Variants in BMPR2 observed in about 807,000 individuals in gnomAD.
The protein encoded by BMPR2 is bone morphogenetic protein receptor type-2.
Under a neutral mutation model 100.8 loss-of-function variants are expected in BMPR2, and 29 were observed. The observed-to-expected ratio is 0.29, with a 90% CI of 0.21 to 0.39. BMPR2 has a LOEUF of 0.39. Among genes scored for constraint, BMPR2 ranks in the 10% least tolerant of loss-of-function variants. The pLI is 1.00. For missense variants in BMPR2, 1,011 were observed against 1,274.5 expected, an observed-to-expected ratio of 0.79 and a Z score of 3.15; for synonymous variants, 382 against 442.3, an observed-to-expected ratio of 0.86 and a Z score of 1.71.
At chr2:202,418,233 T>C (rs1392690505) in intron 1 of BMPR2, among the ~76,000 whole-genome samples, 2 of 152,180 alleles carry the variant, frequency 1.3e-5, no homozygotes, top group Non-Finnish European at 2.9e-5. Flanking sequence ...CCCTTCTACA[T>C]GAGGAGTGAG....
chr2:202,538,578 G>C (rs1029774193), intron 9 of BMPR2, among the ~76,000 whole-genome samples: 1 of 152,140 alleles, frequency 6.6e-6, no homozygotes, highest in South Asian at 2.1e-4. Context: ...GATCACCTGA[G>C]GTCAGGAGTT....
At chr2:202,426,484 G>A (rs1435826680) in intron 1 of BMPR2, among the ~76,000 whole-genome samples, 3 of 147,758 alleles carry the variant, frequency 2.0e-5, no homozygotes, top group African/African-American at 7.5e-5. Context: ...AGGAGGAATC[G>A]CTTGAACCTG....
chr2:202,386,647 C>T (rs1690432973), intron 1 of BMPR2, among the ~76,000 whole-genome samples: 1 of 152,008 alleles, frequency 6.6e-6, no homozygotes, highest in African/African-American at 2.4e-5. Context: ...ATTACAGTCT[C>T]CTTTCAACAT....
At chr2:202,442,312 T>G (rs1691764463) in intron 1 of BMPR2, among the ~76,000 whole-genome samples, 1 of 150,654 alleles carries the variant, frequency 6.6e-6, no homozygotes. Context: ...GTTTACTTTC[T>G]GTTTCAGTAT....
rs13400642 is a variant in BMPR2 at position 202,485,787 on chromosome 2, C to T, written c.418+18098C>T. Among the ~76,000 whole-genome samples the T allele has an allele frequency of 6.5e-3, 989 of 151,912 alleles. 15 individuals are homozygous for T. The highest frequency in any genetic ancestry group is 0.022 in the African/African-American group (924 of 41,440). On this transcript the variant is annotated intron_variant, in intron 3 of 12. Coordinates refer to ENST00000374580, the MANE Select transcript of BMPR2 (RefSeq NM_001204.7). ...CTCAAACTCCTGACCTCAAGTGATT[C>T]GCCCGCCTGGGCCTCCCAAAGTGCT...
chr2:202,543,535 T>G (rs554688051), intron 10 of BMPR2, among the ~76,000 whole-genome samples: 2 of 151,788 alleles, frequency 1.3e-5, no homozygotes, highest in Non-Finnish European at 2.9e-5. Flanking sequence ...ATGATTCTAT[T>G]GGATGATATA....
Position 202,435,581 on chromosome 2 carries a change from G to A in BMPR2, c.77-29228G>A, listed in dbSNP as rs192729399. Among the ~76,000 whole-genome samples, 342 of 149,718 alleles carry A rather than the reference G, an allele frequency of 2.3e-3. 23 individuals carry two copies. The highest frequency in any genetic ancestry group is 8.2e-3 in the African/African-American group (322 of 39,262). On this transcript the variant is annotated intron_variant, in intron 1 of 12. Coordinates refer to ENST00000374580, the MANE Select transcript of BMPR2 (RefSeq NM_001204.7). Reference sequence around the variant, plus strand: ...AAAAAACAAAAGTAATGTTGTCTAAGTATAGTGTTTATGAAGTCTACAGTA... The same window carrying A: ...AAAAAACAAAAGTAATGTTGTCTAAATATAGTGTTTATGAAGTCTACAGTA...
chr2:202,379,741 T>TGATA (rs1690231356), intron 1 of BMPR2, among the ~76,000 whole-genome samples: 1 of 152,220 alleles, frequency 6.6e-6, no homozygotes, highest in Non-Finnish European at 1.5e-5. Flanking sequence ...GAAGACTGAT[T>TGATA]GATAGCACAT....
At chr2:202,411,037 C>T (rs185652389) in intron 1 of BMPR2, among the ~76,000 whole-genome samples, 117 of 152,098 alleles carry the variant, frequency 7.7e-4, no homozygotes, top group African/African-American at 2.7e-3. Context: ...CATCATTAGG[C>T]GATCTCCATG....
chr2:202,444,867 C>T (rs1691819888), intron 1 of BMPR2, among the ~76,000 whole-genome samples: 1 of 150,782 alleles, frequency 6.6e-6, no homozygotes, highest in South Asian at 2.1e-4. Context: ...GAGCTCACTG[C>T]ATCCTCCGCC....
chr2:202,503,757 C>A lies in BMPR2; in HGVS notation c.419-9962C>A, dbSNP rs1056926464. Among the ~76,000 whole-genome samples the A allele has an allele frequency of 6.6e-6, 1 of 152,202 alleles. No homozygotes were observed. The highest frequency in any genetic ancestry group is 1.5e-5 in the Non-Finnish European group (1 of 68,022). On this transcript the variant is annotated intron_variant, in intron 3 of 12. Coordinates refer to ENST00000374580, the MANE Select transcript of BMPR2 (RefSeq NM_001204.7). The surrounding 1 kb of genome is among the most constrained non-coding windows in gnomAD (Gnocchi z 4.0). Reference sequence around the variant, plus strand: ...CCACCCAAGGGCTGAGGAGTGTGAGCGCACGGTGTGGGACTGGCAGGCAGC... The same window carrying A: ...CCACCCAAGGGCTGAGGAGTGTGAGAGCACGGTGTGGGACTGGCAGGCAGC...
At chr2:202,544,761 C>CTTTTTTTTT (rs56654364) in intron 10 of BMPR2, among the ~76,000 whole-genome samples, 59 of 82,434 alleles carry the variant, frequency 7.2e-4, no homozygotes, top group African/African-American at 1.0e-3. Context: ...CTTTTTCTTT[C>CTTTTTTTTT]TTTTTTTTTT....
chr2:202,410,919 AT>A (rs1422615283), intron 1 of BMPR2, among the ~76,000 whole-genome samples: 1 of 152,044 alleles, frequency 6.6e-6, no homozygotes, highest in East Asian at 1.9e-4. Context: ...AGTAAACTTT[AT>A]TTTTAGAGCA....
At position 202,530,958 on chromosome 2, in the gene BMPR2, A is replaced by C. The variant is rs932554354; in HGVS notation, c.1128+4A>C. The C allele has an allele frequency of 1.9e-6, 3 of 1,613,840 alleles. No individual in the cohort carries two copies. In the African/African-American group the frequency reaches 4.0e-5, roughly 22 times the overall value. ...AGATAATGCAGCCATAAGCGAGGTG[A>C]GTGTATACAAAAGGTATCACACTGA... On this transcript the variant is annotated splice_donor_region_variant and intron_variant, in intron 8 of 12. Coordinates refer to ENST00000374580, the MANE Select transcript of BMPR2 (RefSeq NM_001204.7).
intron 1 of BMPR2, 72 bp downstream of exon 1, chr2:202,377,622 G>C (rs1022241983): frequency 2.6e-6 from 4 of 1,542,538 alleles, no homozygotes; most frequent in Non-Finnish European, 3.6e-6. Flanking sequence ...CGCAGAGGCC[G>C]AGGCCTGTGC....
At chr2:202,544,414 T>C (rs1327202350) in intron 10 of BMPR2, among the ~76,000 whole-genome samples, 6 of 152,188 alleles carry the variant, frequency 3.9e-5, no homozygotes, top group Admixed American at 1.3e-4. Flanking sequence ...GGCTGGATAA[T>C]AGTTTCAATA....
intron 1 of BMPR2, among the ~76,000 whole-genome samples, chr2:202,407,093 A>G (rs1045258879): frequency 6.6e-6 from 1 of 150,498 alleles, no homozygotes. Flanking sequence ...AACTACAGGC[A>G]TGTGCTAATT....
At chr2:202,525,929 G>A (rs895335458) in intron 7 of BMPR2, among the ~76,000 whole-genome samples, 6 of 142,194 alleles carry the variant, frequency 4.2e-5, no homozygotes, top group Non-Finnish European at 9.0e-5. Context: ...GCAATGGTGC[G>A]ATCTCAGCTC....
intron 10 of BMPR2, among the ~76,000 whole-genome samples, chr2:202,551,862 A>ATTT (rs35621004): frequency 3.1e-5 from 4 of 130,384 alleles, no homozygotes; most frequent in East Asian, 2.4e-4. Context: ...ATGCTGGCTA[A>ATTT]TTTTTTTTTT....
Sources: allele counts gnomAD v4.1 joint callset (sites outside exome capture counted in the v4.1 genomes callset), GRCh38; gene constraint gnomAD v4.1.1; non-coding constraint Gnocchi (gnomAD v3.1); transcripts MANE v1.5; gene names NCBI Gene and HGNC (gene_info 2026-07-23, HGNC 2026-07-21).